The following ADGRF5 variants were observed in gnomAD, a reference collection of about 807,000 sequenced individuals.
ADGRF5 encodes the protein G-protein coupled receptor 116.
In ADGRF5, 75 loss-of-function variants were observed where a neutral mutation model predicts 132.3. The ratio of observed to expected loss-of-function variants is 0.57; its 90% CI spans 0.47 to 0.69. The LOEUF is 0.69. ADGRF5 is among the 30% of genes least tolerant of loss of function. The pLI, the probability that ADGRF5 is intolerant of heterozygous loss-of-function variation, is 0.00. For synonymous variants in ADGRF5, 629 were observed against 597.6 expected, an observed-to-expected ratio of 1.05 and a Z score of -0.77; for missense variants, 1,516 against 1,630.6, an observed-to-expected ratio of 0.93 and a Z score of 1.21.
chr6:46,854,749 T>A, intron 20 of ADGRF5: 1 of 1,287,044 alleles, frequency 7.8e-7, no homozygotes, highest in Non-Finnish European at 1.0e-6. Context: ...CTAACAAGGT[T>A]TCCGTCATGG....
At chr6:46,888,798 C>A (rs1437719104) in intron 3 of ADGRF5, among the ~76,000 whole-genome samples, 1 of 152,070 alleles carries the variant, frequency 6.6e-6, no homozygotes, top group African/African-American at 2.4e-5. Flanking sequence ...ATGTCACAGT[C>A]AGGACTCAAA....
intron 2 of ADGRF5, chr6:46,905,557 A>T (rs1380265366): frequency 6.6e-6 from 1 of 152,218 alleles, no homozygotes; most frequent in Non-Finnish European, 1.5e-5. Flanking sequence ...ATTGTTTACA[A>T]GAGAATCATA....
At chr6:46,952,374 G>T (rs1257527449) in intron 1 of ADGRF5, among the ~76,000 whole-genome samples, 1 of 152,176 alleles carries the variant, frequency 6.6e-6, no homozygotes, top group Non-Finnish European at 1.5e-5. Context: ...TATATTGTTT[G>T]CCATCATATC....
intron 11 of ADGRF5, 89 bp downstream of exon 11, chr6:46,871,754 A>G: frequency 1.1e-6 from 1 of 896,254 alleles, no homozygotes; most frequent in African/African-American, 1.7e-5. Context: ...TATTTTGCTC[A>G]TAGATATTTC....
At chr6:46,929,538 GAA>G (rs11343793) in intron 1 of ADGRF5, among the ~76,000 whole-genome samples, 4,159 of 142,092 alleles carry the variant, frequency 0.029, 136 homozygotes, top group African/African-American at 0.081. Context: ...GTAAAAAGAT[GAA>G]AAAAAAAAAA....
At chr6:46,934,389 T>C (rs1008439317) in intron 1 of ADGRF5, among the ~76,000 whole-genome samples, 1 of 152,214 alleles carries the variant, frequency 6.6e-6, no homozygotes, top group African/African-American at 2.4e-5. Context: ...CTTATTTGCT[T>C]GACTAATTCT....
intron 1 of ADGRF5, among the ~76,000 whole-genome samples, chr6:46,927,048 G>A (rs1363590529): frequency 1.3e-5 from 2 of 152,094 alleles, no homozygotes; most frequent in East Asian, 3.9e-4. Context: ...GGACTGCAAA[G>A]CCCTGTCCTC....
intron 1 of ADGRF5, among the ~76,000 whole-genome samples, chr6:46,908,463 AG>A (rs1365404900): frequency 6.6e-6 from 1 of 152,162 alleles, no homozygotes; most frequent in Non-Finnish European, 1.5e-5. Context: ...GTAACTGAAT[AG>A]TTAATGAGCC....
chr6:46,879,881 G>T lies in ADGRF5; in HGVS notation c.973C>A (p.Leu325Ile). ...GACACCGAAGTCATGTTGTTGAAAA[G>T]TGCGGTGTAAATCGAGAATCTGCTG... The part of the protein sequence containing the change: ...NSSRFSIYTA[L>I]FNNMTSVSKL... The change falls in exon 9 of 21, where the codon CTT becomes ATT. Residue 325 changes from leucine (L) to isoleucine (I), a missense_variant. Coordinates refer to ENST00000283296, the MANE Select transcript of ADGRF5 (RefSeq NM_001098518.2). 1.2e-6 allele frequency: 2 copies of T among 1,614,126 alleles called. No homozygotes were observed. The highest frequency in any genetic ancestry group is 1.7e-6 in the Non-Finnish European group (2 of 1,179,960).
chr6:46,872,095 C>A (rs1474595815), intron 10 of ADGRF5, 82 bp from the exon 11 acceptor site: 7 of 956,450 alleles, frequency 7.3e-6, no homozygotes, highest in African/African-American at 1.7e-5. Flanking sequence ...ATTTTTTTTT[C>A]ATAAAAGGAG....
chr6:46,882,435 T>A (rs1772582938), intron 6 of ADGRF5, among the ~76,000 whole-genome samples: 1 of 152,190 alleles, frequency 6.6e-6, no homozygotes, highest in African/African-American at 2.4e-5. Context: ...GCTAAAATCA[T>A]CCTAGCCTGA....
chr6:46,869,041 A>C lies in ADGRF5; in HGVS notation c.1463T>G (p.Phe488Cys). 6.2e-7 allele frequency: 1 copy of C among 1,614,094 alleles called. No individual in the cohort carries two copies. The highest frequency in any genetic ancestry group is 8.5e-7 in the Non-Finnish European group (1 of 1,179,964). The change falls in exon 12 of 21, where the codon TTT (phenylalanine) becomes TGT (cysteine). Residue 488 changes from phenylalanine (F) to cysteine (C), a missense_variant. By Grantham distance (205) the Phe-to-Cys change is radical. Around this residue, in one of 2 missense-constraint regions of ADGRF5, gnomAD observed 945 missense variants for 929.4 expected, o/e 1.02. Transcript: ENST00000283296. The stretch of plus-strand genomic sequence containing the variant: ...CACATCACTGATGCATTTTATAGAA[A>C]AGTTTTGTCCCTCAGAAACAGAAAT... ...DPISVSEGQNFSIKCISDVSN... is the reference protein window; with the variant it reads ...DPISVSEGQNCSIKCISDVSN...
chr6:46,908,144 A>G (rs1178807243), intron 1 of ADGRF5: 2 of 152,164 alleles, frequency 1.3e-5, no homozygotes, highest in African/African-American at 4.8e-5. Flanking sequence ...AACTGATCCA[A>G]TTTGCAAATT....
chr6:46,858,419 A>G lies in ADGRF5; in HGVS notation c.3484T>C (p.Cys1162Arg). ...TTGGTGTCCTCCCAGTTGAGCCAAC[A>G]GACATTCTTCCTCGTATAGACTTCC... is the stretch of plus-strand genomic sequence containing the variant. ...PREVYTRKNV[C>R]WLNWEDTKAL... The change falls in exon 17 of 21, where the codon TGT becomes CGT. Residue 1162 changes from cysteine (C) to arginine (R), a missense_variant. Physicochemically the swap from Cys to Arg is radical, Grantham distance 180 (BLOSUM62 -3). Transcript: ENST00000283296. 6.2e-7 allele frequency: 1 copy of G among 1,613,982 alleles called. No homozygotes were observed. Among genetic ancestry groups the G allele is most frequent in the Non-Finnish European group, 8.5e-7 (1 of 1,179,862 alleles).
upstream of ADGRF5, among the ~76,000 whole-genome samples, chr6:46,923,693 T>C (rs531027566): frequency 5.3e-5 from 8 of 152,284 alleles, no homozygotes; most frequent in East Asian, 1.5e-3. Context: ...TTTCCTTCCC[T>C]GAGGAGCAAT....
chr6:46,866,985 T>C lies in ADGRF5; in HGVS notation c.1774A>G (p.Ile592Val). ...ACTTTGTAGTCTCCATCCTCCTCTA[T>C]GCAGCACTTGATGTGATGGGAACCA... ...CSGSHHIKCC[I>V]EEDGDYKVTF... The change falls in exon 13 of 21, where the codon ATA becomes GTA. Residue 592 changes from isoleucine (I) to valine (V), a missense_variant. Around this residue, in one of 2 missense-constraint regions of ADGRF5, gnomAD observed 945 missense variants for 929.4 expected, o/e 1.02. Coordinates refer to ENST00000283296, the MANE Select transcript of ADGRF5 (RefSeq NM_001098518.2). The C allele has an allele frequency of 1.2e-6, 2 of 1,613,988 alleles. No individual in the cohort carries two copies. The highest frequency in any genetic ancestry group is 1.1e-5 in the South Asian group (1 of 91,080).
At chr6:46,862,755 G>T in intron 15 of ADGRF5, 133 bp downstream of exon 15, 3 of 204,594 alleles carry the variant, frequency 1.5e-5, no homozygotes, top group South Asian at 6.6e-5. Flanking sequence ...CATCTCCTTT[G>T]GAAATACACA....
At chr6:46,936,419 T>C (rs552950896) in intron 1 of ADGRF5, among the ~76,000 whole-genome samples, 1 of 152,318 alleles carries the variant, frequency 6.6e-6, no homozygotes, top group Admixed American at 6.5e-5. Flanking sequence ...TTCCTCGAAA[T>C]ATCCCTTCAT....
Position 46,871,705 on chromosome 6 carries a change from T to C in ADGRF5, c.1411+138A>G, listed in dbSNP as rs183064072. ...GAGAGAAATCCTTTTCTATCTCCCA[T>C]TGTGTGATTTGCCCTAACCACACTC... is the stretch of plus-strand genomic sequence containing the variant. On this transcript the variant is annotated intron_variant, in intron 11 of 20. Coordinates refer to ENST00000283296, the MANE Select transcript of ADGRF5 (RefSeq NM_001098518.2). 35 of 500,866 alleles carry C rather than the reference T, an allele frequency of 7.0e-5. No individual in the cohort carries two copies. The Admixed American group carries it at 1.1e-3, about 15-fold the overall frequency. The allele number at this position is 500,866 out of a possible 1,614,324, so 31.0% of individuals were successfully genotyped here. A position where few individuals can be genotyped will look rare whatever the true frequency, so the allele number is the denominator to read the frequency against.
Sources: gnomAD v4.1 joint callset for allele counts (sites outside exome capture counted in the v4.1 genomes callset) on GRCh38, gnomAD v4.1.1 for gene constraint, gnomAD v4.1.1 regional missense constraint, MANE v1.5 for transcripts, NCBI Gene and HGNC (gene_info 2026-07-23, HGNC 2026-07-21) for gene names.